Variants in CNTNAP2 observed in about 807,000 individuals in gnomAD.
The protein encoded by CNTNAP2 is contactin associated protein 2.
In CNTNAP2, 98 loss-of-function variants were observed where a neutral mutation model predicts 155.2. That is an observed-to-expected ratio of 0.63 (90% CI 0.54 to 0.75). CNTNAP2 has a LOEUF of 0.75. Ranked by LOEUF, CNTNAP2 falls within the 30% of genes least tolerant of loss-of-function variation. The probability of loss-of-function intolerance (pLI) is 0.00; values close to 1 mark genes in which losing one functional copy is unlikely to be tolerated. For missense variants in CNTNAP2, 1,727 were observed against 1,688.1 expected (o/e 1.02, Z -0.40); for synonymous variants, 651 against 631.2 (o/e 1.03, Z -0.47).
intron 10 of CNTNAP2, among the ~76,000 whole-genome samples, chr7:147,437,307 T>C (rs527681694): frequency 3.3e-5 from 5 of 152,300 alleles, no homozygotes; most frequent in African/African-American, 1.2e-4. Context: ...TTTATGACAC[T>C]GGGCTGCATA....
intron 13 of CNTNAP2, among the ~76,000 whole-genome samples, chr7:147,736,140 G>A (rs926110085): frequency 6.6e-6 from 1 of 151,866 alleles, no homozygotes; most frequent in African/African-American, 2.4e-5. Flanking sequence ...AATTTGGCAT[G>A]TTTTTTCAGT....
intron 8 of CNTNAP2, among the ~76,000 whole-genome samples, chr7:147,292,055 A>G (rs768244836): frequency 9.2e-5 from 14 of 152,070 alleles, no homozygotes; most frequent in Non-Finnish European, 1.9e-4. Flanking sequence ...GATTTTATTA[A>G]CCATGTCTGT....
chr7:146,208,924 T>A (rs1798992463), intron 1 of CNTNAP2: 1 of 152,072 alleles, frequency 6.6e-6, no homozygotes, highest in Non-Finnish European at 1.5e-5. Context: ...TTTTTGGTGT[T>A]TCCCAGTCTG....
chr7:147,355,504 C>G (rs1003373580), intron 9 of CNTNAP2, among the ~76,000 whole-genome samples: 1 of 151,832 alleles, frequency 6.6e-6, no homozygotes, highest in East Asian at 1.9e-4. Context: ...AATCTAGGAG[C>G]TGTATTTTTG....
Position 146,661,466 on chromosome 7 carries a change from G to GT in CNTNAP2, c.98-112801dup, listed in dbSNP as rs377186734. The stretch of plus-strand genomic sequence containing the variant: ...CAATCCTTAACCCCTGGTCACCACT[G>GT]TTTTGCTTTCTGTCTCTGTAGTTGG... On this transcript the variant is annotated intron_variant, in intron 1 of 23. Transcript: ENST00000361727. 2.6e-3 allele frequency among the ~76,000 whole-genome samples: 397 copies of GT among 152,034 alleles called. 2 individuals are homozygous for GT. The highest frequency in any genetic ancestry group is 4.5e-3 in the Non-Finnish European group (304 of 67,986).
intron 12 of CNTNAP2, among the ~76,000 whole-genome samples, chr7:147,575,840 C>T (rs572043009): frequency 7.9e-5 from 12 of 151,962 alleles, no homozygotes; most frequent in African/African-American, 2.9e-4. Context: ...TAAATTCTTT[C>T]ATCTATTGTG....
At chr7:146,567,299 C>T (rs979246341) in intron 1 of CNTNAP2, among the ~76,000 whole-genome samples, 4 of 151,992 alleles carry the variant, frequency 2.6e-5, no homozygotes, top group African/African-American at 9.7e-5. Context: ...TATGTTGTCC[C>T]TTTTTTTAAT....
intron 9 of CNTNAP2, among the ~76,000 whole-genome samples, chr7:147,314,197 G>A (rs534542204): frequency 6.6e-6 from 1 of 152,154 alleles, no homozygotes; most frequent in South Asian, 2.1e-4. Context: ...TATCTAATGG[G>A]AAAATTTGAA....
At chr7:147,914,090 T>C (rs941548147) in intron 14 of CNTNAP2, among the ~76,000 whole-genome samples, 1 of 151,296 alleles carries the variant, frequency 6.6e-6, no homozygotes, top group Admixed American at 6.6e-5. Context: ...AGCAGAAATG[T>C]CCATGAATAG....
intron 13 of CNTNAP2, chr7:147,643,454 G>A (rs138595754): frequency 2.6e-5 from 4 of 152,202 alleles, no homozygotes; most frequent in Non-Finnish European, 5.9e-5. Context: ...TCCTTGTATT[G>A]TTATATTTTG....
chr7:147,494,684 C>A (rs1021105783), intron 11 of CNTNAP2, among the ~76,000 whole-genome samples: 1 of 152,042 alleles, frequency 6.6e-6, no homozygotes, highest in Non-Finnish European at 1.5e-5. Context: ...AGAAAACACC[C>A]ATTTTAACAC....
intron 14 of CNTNAP2, among the ~76,000 whole-genome samples, chr7:147,917,208 C>T (rs1800176403): frequency 1.3e-5 from 2 of 152,234 alleles, no homozygotes; most frequent in African/African-American, 4.8e-5. Context: ...TAGGCCCTGC[C>T]TCAGACTAAT....
intron 13 of CNTNAP2, among the ~76,000 whole-genome samples, chr7:147,851,569 A>G (rs1315611728): frequency 6.6e-6 from 1 of 151,962 alleles, no homozygotes; most frequent in Non-Finnish European, 1.5e-5. Context: ...TGGCACATAT[A>G]CACCATGGAA....
intron 21 of CNTNAP2, among the ~76,000 whole-genome samples, chr7:148,373,557 T>A (rs756397333): frequency 6.6e-6 from 1 of 152,206 alleles, no homozygotes; most frequent in African/African-American, 2.4e-5. Context: ...CATTATAATC[T>A]CCTGGGACCA....
chr7:147,915,730 T>G (rs1243632806), intron 14 of CNTNAP2, among the ~76,000 whole-genome samples: 1 of 151,734 alleles, frequency 6.6e-6, no homozygotes, highest in Non-Finnish European at 1.5e-5. Context: ...AAGATATTGC[T>G]TTACCAGTGA....
At chr7:147,278,098 T>C (rs1804941852) in intron 8 of CNTNAP2, among the ~76,000 whole-genome samples, 1 of 145,572 alleles carries the variant, frequency 6.9e-6, no homozygotes, top group African/African-American at 2.6e-5. Context: ...TTATATATTC[T>C]AGGAGCTCAG....
chr7:147,788,153 T>G (rs140569521), intron 13 of CNTNAP2, among the ~76,000 whole-genome samples: 18 of 152,362 alleles, frequency 1.2e-4, no homozygotes, highest in African/African-American at 4.3e-4. Flanking sequence ...TTGGATCACT[T>G]AAATTATTTG....
chr7:148,393,477 C>T lies in CNTNAP2; in HGVS notation c.3715+9589C>T, dbSNP rs145116150. Among the ~76,000 whole-genome samples, 149 of 152,328 alleles carry T rather than the reference C, an allele frequency of 9.8e-4. 5 individuals carry two copies. In the East Asian group the frequency reaches 0.025, roughly 26 times the overall value. ...AGCGCATTTATGTATCTCAAATCAA[C>T]TATGGTATTAGTCTTACCTATTTTT... is the stretch of plus-strand genomic sequence containing the variant. On this transcript the variant is annotated intron_variant, in intron 22 of 23. Coordinates refer to ENST00000361727, the MANE Select transcript of CNTNAP2 (RefSeq NM_014141.6).
At position 146,415,226 on chromosome 7, in the gene CNTNAP2, CCACACACACATA is replaced by C. The variant is rs201309627; in HGVS notation, c.97+298272_97+298283del. On this transcript the variant is annotated intron_variant, in intron 1 of 23. Coordinates refer to ENST00000361727, the MANE Select transcript of CNTNAP2 (RefSeq NM_014141.6). ...GAGAAACACACACACACATACCACACCACACACACATACACACACACATACACACAATGATCA... is the reference window on the plus strand; with the variant it reads ...GAGAAACACACACACACATACCACACCACACACACATACACACAATGATCA... Among the ~76,000 whole-genome samples, 61 of 151,968 alleles carry C rather than the reference CCACACACACATA, an allele frequency of 4.0e-4. No homozygotes were observed. In the East Asian group the frequency reaches 0.01, roughly 25 times the overall value.
Sources: allele counts gnomAD v4.1 joint callset (sites outside exome capture counted in the v4.1 genomes callset), GRCh38; gene constraint gnomAD v4.1.1; transcripts MANE v1.5; gene names NCBI Gene and HGNC (gene_info 2026-07-23, HGNC 2026-07-21).